Variants in CMIP observed in about 807,000 individuals in gnomAD.
CMIP encodes the protein c-Maf inducing protein.
A neutral mutation model predicts 97.3 loss-of-function variants in CMIP; 13 were observed. The ratio of observed to expected loss-of-function variants is 0.13; its 90% confidence interval spans 0.09 to 0.21. The LOEUF (loss-of-function observed/expected upper bound fraction) is 0.21. Among genes scored for constraint, CMIP ranks in the 10% least tolerant of loss-of-function variants. CMIP has a pLI of 1.00. For synonymous variants in CMIP, 538 were observed against 436.3 expected (o/e 1.23, Z -2.91); for missense variants, 847 against 1,024.9 (o/e 0.83, Z 2.37).
At chr16:81,610,676 T>A in intron 2 of CMIP, 1 of 308,680 alleles carries the variant, frequency 3.2e-6, no homozygotes, top group Non-Finnish European at 4.7e-6. Context: ...CCGTGATGCA[T>A]GGGTGGTATG....
chr16:81,553,140 T>C (rs1282111902), intron 1 of CMIP, among the ~76,000 whole-genome samples: 2 of 152,128 alleles, frequency 1.3e-5, no homozygotes, highest in Non-Finnish European at 2.9e-5. Flanking sequence ...CTTGTTTCAG[T>C]CCCACTGTTT....
At chr16:81,654,713 A>G (rs1381561964) in intron 4 of CMIP, among the ~76,000 whole-genome samples, 1 of 152,206 alleles carries the variant, frequency 6.6e-6, no homozygotes, top group Non-Finnish European at 1.5e-5. Flanking sequence ...ATAGAGGAGT[A>G]ACCAGGGGTG....
At chr16:81,642,408 C>T (rs1258648872) in intron 3 of CMIP, among the ~76,000 whole-genome samples, 1 of 152,100 alleles carries the variant, frequency 6.6e-6, no homozygotes, top group Non-Finnish European at 1.5e-5. Flanking sequence ...TTGATTAATT[C>T]ATCAATGAAT....
rs1237922311 is a variant in CMIP at position 81,578,809 on chromosome 16, G to A, written c.301-28758G>A. The stretch of plus-strand genomic sequence containing the variant: ...GCACTGGCGTCGGAAAAGTTCCATG[G>A]CAGATAAGCCCGTGCCATTGCAGGG... On this transcript the variant is annotated intron_variant, in intron 1 of 20. Transcript: ENST00000537098. Among the ~76,000 whole-genome samples, 4 of 152,224 alleles carry A rather than the reference G, an allele frequency of 2.6e-5. No homozygotes were observed. The South Asian group carries it at 6.2e-4, about 24-fold the overall frequency.
chr16:81,539,177 T>C (rs1392966658), intron 1 of CMIP, among the ~76,000 whole-genome samples: 1 of 152,156 alleles, frequency 6.6e-6, no homozygotes, highest in Non-Finnish European at 1.5e-5. Flanking sequence ...GGGTGTAGCC[T>C]CCTGTGAGAA....
intron 1 of CMIP, among the ~76,000 whole-genome samples, chr16:81,504,921 T>C (rs1001333931): frequency 6.6e-6 from 1 of 152,208 alleles, no homozygotes; most frequent in Non-Finnish European, 1.5e-5. Flanking sequence ...TAAAAATGGG[T>C]CTTTTCCCAC....
At chr16:81,539,366 G>A (rs2090405949) in intron 1 of CMIP, among the ~76,000 whole-genome samples, 1 of 150,746 alleles carries the variant, frequency 6.6e-6, no homozygotes, top group East Asian at 1.9e-4. Flanking sequence ...ATGTCTGGCT[G>A]TTCAGGGGGT....
At chr16:81,584,593 G>A (rs537009023) in intron 1 of CMIP, among the ~76,000 whole-genome samples, 224 of 152,156 alleles carry the variant, frequency 1.5e-3, no homozygotes, top group Non-Finnish European at 2.8e-3. Context: ...GAGTGTGCCC[G>A]TGTAGATCAG....
intron 3 of CMIP, among the ~76,000 whole-genome samples, chr16:81,636,435 G>A (rs910222806): frequency 1.3e-5 from 2 of 152,030 alleles, no homozygotes; most frequent in Admixed American, 6.6e-5. Flanking sequence ...ATACAAATTA[G>A]CTAGGCGTGG....
chr16:81,675,554 A>G (rs1443214111), intron 9 of CMIP, among the ~76,000 whole-genome samples: 2 of 152,032 alleles, frequency 1.3e-5, no homozygotes, highest in African/African-American at 2.4e-5. Flanking sequence ...TTGAACCACT[A>G]CTTCAGAATC....
intron 3 of CMIP, among the ~76,000 whole-genome samples, chr16:81,642,101 G>A (rs771691736): frequency 6.6e-6 from 1 of 152,254 alleles, no homozygotes; most frequent in Admixed American, 6.5e-5. Flanking sequence ...CTTCAGAAGC[G>A]ATGGCTTTTC....
At chr16:81,568,314 C>G (rs1002275707) in intron 1 of CMIP, among the ~76,000 whole-genome samples, 2 of 152,186 alleles carry the variant, frequency 1.3e-5, no homozygotes, top group African/African-American at 4.8e-5. Context: ...TCACCTCTTT[C>G]TCCCCACTGC....
chr16:81,487,623 T>G (rs905344233), intron 1 of CMIP, among the ~76,000 whole-genome samples: 2 of 152,178 alleles, frequency 1.3e-5, no homozygotes, highest in African/African-American at 4.8e-5. Flanking sequence ...TGAGTTCAGA[T>G]ATCATTTCCT....
intron 1 of CMIP, among the ~76,000 whole-genome samples, chr16:81,456,014 G>T (rs560139350): frequency 2.0e-4 from 30 of 152,354 alleles, no homozygotes; most frequent in African/African-American, 7.0e-4. Flanking sequence ...GGTTACAGGG[G>T]CAGGTCTGCC....
Position 81,490,561 on chromosome 16 carries a change from A to G in CMIP, c.300+45020A>G, listed in dbSNP as rs562875482. Among the ~76,000 whole-genome samples, 319 of 152,330 alleles carry G rather than the reference A, an allele frequency of 2.1e-3. 1 individual carries two copies. The highest frequency in any genetic ancestry group is 3.4e-3 in the Non-Finnish European group (228 of 68,020). Reference sequence around the variant, plus strand: ...CTTGAACCCGAGAGGTGGAGGTTGCAGTGAGCCGGGATTACGCCATCGCAC... The same window carrying G: ...CTTGAACCCGAGAGGTGGAGGTTGCGGTGAGCCGGGATTACGCCATCGCAC... On this transcript the variant is annotated intron_variant, in intron 1 of 20. Transcript: ENST00000537098.
At chr16:81,574,853 G>T (rs750334307) in intron 1 of CMIP, among the ~76,000 whole-genome samples, 2 of 152,170 alleles carry the variant, frequency 1.3e-5, no homozygotes, top group African/African-American at 2.4e-5. Context: ...GCAAGATCAC[G>T]TGGGCAAGGA....
rs1356596267 is a variant in CMIP at position 81,614,101 on chromosome 16, C to T, written c.426+6409C>T. ...TGGGGAGGGGAAGGCACCATCAAGA[C>T]AGTCATTCTGGAGAAGTGGCATTTC... On this transcript the variant is annotated intron_variant, in intron 2 of 20. Transcript: ENST00000537098. This position sits in a 1 kb window ranked among gnomAD's most constrained non-coding sequence, Gnocchi z 5.3. Among the ~76,000 whole-genome samples the T allele has an allele frequency of 6.6e-6, 1 of 152,146 alleles. No individual in the cohort carries two copies. Among genetic ancestry groups the T allele is most frequent in the African/African-American group, 2.4e-5 (1 of 41,424 alleles).
At chr16:81,690,724 AGAC>A (rs1489666645) in intron 10 of CMIP, among the ~76,000 whole-genome samples, 1 of 152,254 alleles carries the variant, frequency 6.6e-6, no homozygotes. Context: ...CAGGAGTTCA[AGAC>A]CAGCATGGCC....
chr16:81,536,870 C>T (rs548146639), intron 1 of CMIP, among the ~76,000 whole-genome samples: 13 of 152,108 alleles, frequency 8.5e-5, no homozygotes, highest in East Asian at 1.9e-4. Context: ...GTGTAACCAG[C>T]GCCCAAATCA....
Sources: gnomAD v4.1 joint callset for allele counts (sites outside exome capture counted in the v4.1 genomes callset) on GRCh38, gnomAD v4.1.1 for gene constraint, Gnocchi (gnomAD v3.1) non-coding constraint, MANE v1.5 for transcripts, NCBI Gene and HGNC (gene_info 2026-07-23, HGNC 2026-07-21) for gene names.